MACROD2: variants seen among roughly 807,000 people sequenced by gnomAD.
MACROD2 encodes ADP-ribose glycohydrolase MACROD2.
MACROD2 carries 36 observed loss-of-function variants against 70.4 expected under a neutral mutation model. The observed-to-expected ratio is 0.51, with a 90% CI of 0.39 to 0.68. The LOEUF (loss-of-function observed/expected upper bound fraction) is 0.68, where lower values mean the gene tolerates loss of function less well. Among genes scored for constraint, MACROD2 ranks in the 30% least tolerant of loss-of-function variants. The pLI, the probability that MACROD2 is intolerant of heterozygous loss-of-function variation, is 0.00. For synonymous variants in MACROD2, 172 were observed against 178.8 expected, an observed-to-expected ratio of 0.96 and a Z score of 0.30; for missense variants, 496 against 538.4, an observed-to-expected ratio of 0.92 and a Z score of 0.78.
intron 5 of MACROD2, among the ~76,000 whole-genome samples, chr20:15,013,462 G>T (rs2075098408): frequency 6.6e-6 from 1 of 152,132 alleles, no homozygotes; most frequent in Non-Finnish European, 1.5e-5. Context: ...GAGGCTGGTA[G>T]ACAGTCCTCA....
At chr20:14,764,077 G>C (rs2072052885) in intron 5 of MACROD2, among the ~76,000 whole-genome samples, 1 of 152,018 alleles carries the variant, frequency 6.6e-6, no homozygotes, top group South Asian at 2.1e-4. Flanking sequence ...GTCCCCAAGA[G>C]GCTGATGTGT....
In MACROD2 at chr20:14,944,634, A is replaced by G. The variant is rs1181602200; in HGVS notation, c.418+259675A>G. Among the ~76,000 whole-genome samples, 3 of 152,290 alleles carry G rather than the reference A, an allele frequency of 2.0e-5. No individual in the cohort carries two copies. In the East Asian group the frequency reaches 5.8e-4, roughly 29 times the overall value. On this transcript the variant is annotated intron_variant, in intron 5 of 17. Coordinates refer to ENST00000684519, the MANE Select transcript of MACROD2 (RefSeq NM_001351661.2). ...CAGATTCCCAGTGAAGGGAATGCGT[A>G]CAGGATCTGGGAGGCAGAAGAGAAG... is the stretch of plus-strand genomic sequence containing the variant.
chr20:14,167,463 A>C (rs1650849570), intron 3 of MACROD2, among the ~76,000 whole-genome samples: 1 of 151,838 alleles, frequency 6.6e-6, no homozygotes, highest in Non-Finnish European at 1.5e-5. Flanking sequence ...GGCTCACTGC[A>C]ACCTCTGCCT....
At chr20:15,819,544 C>CAT (rs1253168201) in intron 8 of MACROD2, among the ~76,000 whole-genome samples, 2 of 147,648 alleles carry the variant, frequency 1.4e-5, no homozygotes, top group African/African-American at 5.0e-5. Flanking sequence ...GGTACATAAA[C>CAT]ATATATATAA....
chr20:14,754,422 A>G (rs1487327051), intron 5 of MACROD2, among the ~76,000 whole-genome samples: 1 of 152,142 alleles, frequency 6.6e-6, no homozygotes, highest in Non-Finnish European at 1.5e-5. Context: ...AAGGATTAGT[A>G]AAATAGTAAA....
intron 5 of MACROD2, among the ~76,000 whole-genome samples, chr20:15,023,390 T>C (rs1056187612): frequency 2.0e-5 from 3 of 152,192 alleles, no homozygotes; most frequent in African/African-American, 7.2e-5. Flanking sequence ...CAGCCCTCAC[T>C]CTTGGCTCTT....
At chr20:14,942,629 C>T (rs1191513567) in intron 5 of MACROD2, among the ~76,000 whole-genome samples, 1 of 152,186 alleles carries the variant, frequency 6.6e-6, no homozygotes, top group African/African-American at 2.4e-5. Context: ...TTGGTGACAG[C>T]TTCATGAATG....
At chr20:15,093,227 G>A (rs1029717240) in intron 5 of MACROD2, among the ~76,000 whole-genome samples, 38 of 152,190 alleles carry the variant, frequency 2.5e-4, no homozygotes, top group African/African-American at 8.9e-4. Context: ...ATCGTGGTTT[G>A]TATAAAAGGG....
chr20:14,921,740 T>C lies in MACROD2; in HGVS notation c.418+236781T>C, dbSNP rs191335358. On this transcript the variant is annotated intron_variant, in intron 5 of 17. Coordinates refer to ENST00000684519, the MANE Select transcript of MACROD2 (RefSeq NM_001351661.2). ...TGTCAGGGATAATTGTTTGGTATAT[T>C]GTAACCAGAATGGAGCTGACAGAAT... 2.6e-5 allele frequency among the ~76,000 whole-genome samples: 4 copies of C among 152,306 alleles called. No individual in the cohort carries two copies. In the East Asian group the frequency reaches 7.7e-4, roughly 29 times the overall value.
At chr20:15,801,652 T>C (rs1465594456) in intron 8 of MACROD2, among the ~76,000 whole-genome samples, 1 of 152,144 alleles carries the variant, frequency 6.6e-6, no homozygotes, top group Non-Finnish European at 1.5e-5. Flanking sequence ...CCAGCTTTGT[T>C]CTTTTTGCTC....
At chr20:15,636,273 C>A (rs2049367861) in intron 8 of MACROD2, among the ~76,000 whole-genome samples, 1 of 152,094 alleles carries the variant, frequency 6.6e-6, no homozygotes, top group African/African-American at 2.4e-5. Flanking sequence ...TATAACATCA[C>A]TGACAAAAGA....
At chr20:15,620,144 G>A (rs928157311) in intron 8 of MACROD2, among the ~76,000 whole-genome samples, 29 of 152,298 alleles carry the variant, frequency 1.9e-4, no homozygotes, top group Middle Eastern at 3.4e-3. Context: ...GCATGGAGAT[G>A]GGGGACAAGG....
At position 14,439,116 on chromosome 20, in the gene MACROD2, A is replaced by T. The variant is rs574808222; in HGVS notation, c.272-54363A>T. Among the ~76,000 whole-genome samples the T allele has an allele frequency of 2.0e-5, 3 of 152,248 alleles. No homozygotes were observed. The South Asian group carries it at 6.2e-4, about 32-fold the overall frequency. On this transcript the variant is annotated intron_variant, in intron 3 of 17. Coordinates refer to ENST00000684519, the MANE Select transcript of MACROD2 (RefSeq NM_001351661.2). ...ATAAGAGTCAATTTTATTATTTCGCATGTGGAAATCAAGTTTTTGTAGCAC... is the reference window on the plus strand; with the variant it reads ...ATAAGAGTCAATTTTATTATTTCGCTTGTGGAAATCAAGTTTTTGTAGCAC...
chr20:14,189,947 G>C (rs1382540966), intron 3 of MACROD2, among the ~76,000 whole-genome samples: 1 of 152,172 alleles, frequency 6.6e-6, no homozygotes, highest in Non-Finnish European at 1.5e-5. Flanking sequence ...TTGAACATGT[G>C]ACTGTTGGTT....
chr20:15,284,784 A>G (rs2077476448), intron 6 of MACROD2, among the ~76,000 whole-genome samples: 1 of 152,154 alleles, frequency 6.6e-6, no homozygotes, highest in Non-Finnish European at 1.5e-5. Flanking sequence ...CTGGCTGTAT[A>G]CCCTTGCCTA....
At chr20:15,127,068 A>T (rs1014986853) in intron 5 of MACROD2, among the ~76,000 whole-genome samples, 9 of 152,038 alleles carry the variant, frequency 5.9e-5, no homozygotes, top group African/African-American at 1.9e-4. Flanking sequence ...CCACTGCCAC[A>T]CTCTTGGTTT....
chr20:15,910,393 C>CGTGTGT (rs1568634216), intron 10 of MACROD2, among the ~76,000 whole-genome samples: 440 of 105,776 alleles, frequency 4.2e-3, no homozygotes, highest in African/African-American at 0.011. Flanking sequence ...AGTCAGAGGA[C>CGTGTGT]ATGTGTGTGT....
intron 5 of MACROD2, among the ~76,000 whole-genome samples, chr20:14,949,081 T>A (rs1335834231): frequency 6.6e-6 from 1 of 152,176 alleles, no homozygotes; most frequent in African/African-American, 2.4e-5. Flanking sequence ...CACTTCGATA[T>A]CCACTCAGCA....
At position 14,001,970 on chromosome 20, in the gene MACROD2, A is replaced by G. The variant is rs1049992179; in HGVS notation, c.47-318A>G. 4.6e-5 allele frequency among the ~76,000 whole-genome samples: 7 copies of G among 152,214 alleles called. No individual in the cohort carries two copies. In the East Asian group the frequency reaches 1.3e-3, roughly 29 times the overall value. On this transcript the variant is annotated intron_variant, in intron 1 of 17. Transcript: ENST00000684519. ...CAACATAAGATTTCAGGGGATATAT[A>G]TCCAAACCATATCACTTATCCAGCA...
Sources: gnomAD v4.1 joint callset for allele counts (sites outside exome capture counted in the v4.1 genomes callset) on GRCh38, gnomAD v4.1.1 for gene constraint, MANE v1.5 for transcripts, NCBI Gene and HGNC (gene_info 2026-07-23, HGNC 2026-07-21) for gene names.